The following TAFA2 variants were observed in gnomAD, a reference collection of about 807,000 sequenced individuals.
TAFA2 encodes chemokine-like protein TAFA-2.
Under a neutral mutation model 18.8 loss-of-function variants are expected in TAFA2, and 7 were observed. The observed-to-expected ratio is 0.37, with a 90% CI of 0.21 to 0.70. The LOEUF (loss-of-function observed/expected upper bound fraction) is 0.70, where lower values mean the gene tolerates loss of function less well. Among genes scored for constraint, TAFA2 ranks in the 30% least tolerant of loss-of-function variants. The pLI is 0.53. For missense variants in TAFA2, 122 were observed against 158.1 expected, an observed-to-expected ratio of 0.77 and a Z score of 1.23; for synonymous variants, 60 against 54.2, an observed-to-expected ratio of 1.11 and a Z score of -0.47.
At chr12:62,240,854 T>C (rs1325363957) in intron 1 of TAFA2, among the ~76,000 whole-genome samples, 6 of 152,156 alleles carry the variant, frequency 3.9e-5, no homozygotes. Flanking sequence ...TAGATTCTCA[T>C]AGTAGCATGA....
intron 2 of TAFA2, among the ~76,000 whole-genome samples, chr12:61,790,446 A>G (rs1476318588): frequency 6.6e-6 from 1 of 151,932 alleles, no homozygotes; most frequent in Non-Finnish European, 1.5e-5. Flanking sequence ...TGCAGAGGCT[A>G]TAGTCTTATG....
intron 1 of TAFA2, among the ~76,000 whole-genome samples, chr12:61,947,310 G>T (rs934291732): frequency 6.9e-6 from 1 of 144,042 alleles, no homozygotes; most frequent in African/African-American, 2.6e-5. Flanking sequence ...ACTGTGGTGG[G>T]GAGGTGGGAG....
chr12:62,106,394 AC>A (rs2136858279), intron 1 of TAFA2, among the ~76,000 whole-genome samples: 1 of 152,206 alleles, frequency 6.6e-6, no homozygotes, highest in Non-Finnish European at 1.5e-5. Context: ...AAACGAACAA[AC>A]AAAAACTATA....
intron 1 of TAFA2, among the ~76,000 whole-genome samples, chr12:61,995,484 G>A (rs186284678): frequency 1.6e-3 from 244 of 152,136 alleles, no homozygotes; most frequent in Non-Finnish European, 3.0e-3. Context: ...TTTGTTTTGG[G>A]TTTTTATTTT....
intron 1 of TAFA2, among the ~76,000 whole-genome samples, chr12:62,101,974 G>T (rs1869227663): frequency 6.6e-6 from 1 of 152,140 alleles, no homozygotes; most frequent in African/African-American, 2.4e-5. Context: ...GGGACAGGAG[G>T]TTGGAGAAAG....
intron 1 of TAFA2, among the ~76,000 whole-genome samples, chr12:61,913,952 TATGA>T: frequency 6.6e-6 from 1 of 152,288 alleles, no homozygotes; most frequent in East Asian, 1.9e-4. Flanking sequence ...ATCAGTTGAA[TATGA>T]ATTTTTGGAA....
At chr12:61,768,655 A>T (rs1869892447) in intron 2 of TAFA2, among the ~76,000 whole-genome samples, 1 of 152,128 alleles carries the variant, frequency 6.6e-6, no homozygotes, top group South Asian at 2.1e-4. Context: ...TAGAGGAAGC[A>T]GCTGGAAGAG....
At chr12:61,724,030 A>C (rs1233508145) in intron 4 of TAFA2, among the ~76,000 whole-genome samples, 1 of 152,092 alleles carries the variant, frequency 6.6e-6, no homozygotes. Flanking sequence ...AAATAGCACA[A>C]TGATTGGTTC....
chr12:62,110,110 G>A (rs905410851), intron 1 of TAFA2, among the ~76,000 whole-genome samples: 4 of 152,154 alleles, frequency 2.6e-5, no homozygotes, highest in African/African-American at 7.2e-5. Context: ...TATTGGCTGT[G>A]GGTTAGTCAT....
chr12:61,966,953 T>C (rs918795439), intron 1 of TAFA2, among the ~76,000 whole-genome samples: 1 of 151,922 alleles, frequency 6.6e-6, no homozygotes, highest in African/African-American at 2.4e-5. Flanking sequence ...CCTATGTGTA[T>C]ATGCTATTAT....
chr12:61,865,973 C>T (rs542916521), intron 2 of TAFA2, among the ~76,000 whole-genome samples: 1 of 152,166 alleles, frequency 6.6e-6, no homozygotes, highest in Non-Finnish European at 1.5e-5. Flanking sequence ...GTATTTAATA[C>T]TACTTCGTTC....
intron 1 of TAFA2, among the ~76,000 whole-genome samples, chr12:62,043,472 G>A (rs982421211): frequency 6.6e-6 from 1 of 151,862 alleles, no homozygotes. Flanking sequence ...GTGAGGTGGG[G>A]GTAGGGGGGA....
At chr12:62,207,527 C>T (rs1372370481) in intron 1 of TAFA2, among the ~76,000 whole-genome samples, 1 of 152,048 alleles carries the variant, frequency 6.6e-6, no homozygotes, top group African/African-American at 2.4e-5. Context: ...CCCCTATGGT[C>T]TCCTTTGTCT....
intron 1 of TAFA2, among the ~76,000 whole-genome samples, chr12:61,936,999 C>G (rs1236288661): frequency 6.6e-6 from 1 of 152,144 alleles, no homozygotes; most frequent in Non-Finnish European, 1.5e-5. Flanking sequence ...ATCAGTAGCA[C>G]TGCTATCACC....
At chr12:62,135,433 T>G (rs1249196500) in intron 1 of TAFA2, among the ~76,000 whole-genome samples, 1 of 152,050 alleles carries the variant, frequency 6.6e-6, no homozygotes, top group Non-Finnish European at 1.5e-5. Flanking sequence ...GCCATCAGAT[T>G]TATGATTTGA....
chr12:62,222,577 G>A lies in TAFA2; in HGVS notation c.-130+36186C>T, dbSNP rs956232783. ...GGCTGGAGTGCCGTGATGCGATCTC[G>A]GCTCAGTGCAAGCTCCACCTCCCGG... On this transcript the variant is annotated intron_variant, in intron 1 of 5. Transcript: ENST00000551619. Among the ~76,000 whole-genome samples, 11 of 151,768 alleles carry A rather than the reference G, an allele frequency of 7.2e-5. No homozygotes were observed. The East Asian group carries it at 9.7e-4, about 13-fold the overall frequency.
chr12:61,999,539 CT>C (rs766573755), intron 1 of TAFA2, among the ~76,000 whole-genome samples: 25 of 152,180 alleles, frequency 1.6e-4, no homozygotes, highest in Non-Finnish European at 3.5e-4. Flanking sequence ...GACAAATCAA[CT>C]GGTGACTGAA....
chr12:62,046,971 G>A (rs1293493204), intron 1 of TAFA2, among the ~76,000 whole-genome samples: 2 of 151,830 alleles, frequency 1.3e-5, no homozygotes, highest in Non-Finnish European at 2.9e-5. Context: ...ATGTCATGGG[G>A]GTTGGTGAAC....
chr12:61,911,568 A>G (rs1170342085), intron 1 of TAFA2, among the ~76,000 whole-genome samples: 1 of 152,194 alleles, frequency 6.6e-6, no homozygotes, highest in East Asian at 1.9e-4. Flanking sequence ...GGCACTGAAG[A>G]TCACCCCAAA....
Sources: allele counts gnomAD v4.1 joint callset (sites outside exome capture counted in the v4.1 genomes callset), GRCh38; gene constraint gnomAD v4.1.1; transcripts MANE v1.5; gene names NCBI Gene and HGNC (gene_info 2026-07-23, HGNC 2026-07-21).